The following WDR70 variants were observed in gnomAD, a reference collection of about 807,000 sequenced individuals.
The protein encoded by WDR70 is WD repeat-containing protein 70.
Under a neutral mutation model 88.6 loss-of-function variants are expected in WDR70, and 53 were observed. The observed-to-expected ratio is 0.60, with a 90% CI of 0.48 to 0.75. WDR70 has a LOEUF of 0.75. WDR70 is among the 30% of genes least tolerant of loss of function. The pLI, the probability that WDR70 is intolerant of heterozygous loss-of-function variation, is 0.00. For synonymous variants in WDR70, 280 were observed against 270.0 expected, an observed-to-expected ratio of 1.04 and a Z score of -0.36; for missense variants, 610 against 823.2, an observed-to-expected ratio of 0.74 and a Z score of 3.17.
chr5:37,684,062 C>A, intron 10 of WDR70, among the ~76,000 whole-genome samples: 1 of 152,008 alleles, frequency 6.6e-6, no homozygotes, highest in East Asian at 1.9e-4. Flanking sequence ...TTTCTCTATT[C>A]TTGCCTGACT....
intron 10 of WDR70, among the ~76,000 whole-genome samples, chr5:37,690,733 C>T (rs59829323): frequency 0.24 from 36,059 of 152,076 alleles, 5,030 homozygotes; most frequent in Admixed American, 0.38. Flanking sequence ...AAGAAATAAC[C>T]AGTACCAGCC....
At chr5:37,509,339 C>A (rs942314786) in intron 8 of WDR70, among the ~76,000 whole-genome samples, 3 of 151,408 alleles carry the variant, frequency 2.0e-5, no homozygotes, top group African/African-American at 7.3e-5. Flanking sequence ...CCTTTTTGAC[C>A]CATGGGTTAT....
intron 9 of WDR70, among the ~76,000 whole-genome samples, chr5:37,563,468 G>A (rs1369509638): frequency 7.1e-3 from 310 of 43,842 alleles, no homozygotes; most frequent in Non-Finnish European, 9.8e-3. Flanking sequence ...GCGGCTGGCC[G>A]GGCAGAGGGG....
At chr5:37,697,808 T>C (rs1425405655) in intron 11 of WDR70, 54 bp downstream of exon 11, 1 of 1,477,072 alleles carries the variant, frequency 6.8e-7, no homozygotes, top group East Asian at 2.3e-5. Flanking sequence ...TAATCATCTT[T>C]AACAAATATG....
At chr5:37,401,566 C>T (rs1394592561) in intron 5 of WDR70, among the ~76,000 whole-genome samples, 1 of 152,104 alleles carries the variant, frequency 6.6e-6, no homozygotes, top group Non-Finnish European at 1.5e-5. Context: ...ATCCACCTAC[C>T]TTGGCCTCCC....
chr5:37,379,537 T>G lies in WDR70; in HGVS notation c.74T>G (p.Met25Arg). ...CCGGACCCGCAGCTTGCGGTCACCA[T>G]GGGCTTCACGGGGTTCGGTGAGTGA... ...SGPDPQLAVT[M>R]GFTGFGKKAR... Residue 25 changes from methionine (M) to arginine (R), a missense_variant, in exon 2 of 18, where the codon ATG becomes AGG. By Grantham distance (91) the Met-to-Arg change is moderately conservative. Coordinates refer to ENST00000265107, the MANE Select transcript of WDR70 (RefSeq NM_018034.4). 1 of 1,613,970 alleles carries G rather than the reference T, an allele frequency of 6.2e-7. No individual in the cohort carries two copies. The highest frequency in any genetic ancestry group is 8.5e-7 in the Non-Finnish European group (1 of 1,179,852).
At chr5:37,460,753 T>A (rs1738972275) in intron 7 of WDR70, among the ~76,000 whole-genome samples, 5 of 151,572 alleles carry the variant, frequency 3.3e-5, no homozygotes, top group Non-Finnish European at 7.4e-5. Flanking sequence ...CAGGTTGAGT[T>A]GCATAGGAAG....
chr5:37,427,854 A>T (rs899350607), intron 5 of WDR70, among the ~76,000 whole-genome samples: 3 of 152,200 alleles, frequency 2.0e-5, no homozygotes, highest in African/African-American at 7.2e-5. Context: ...GGGCAACAAG[A>T]GTGAAACTCC....
chr5:37,626,775 T>C (rs1744676261), intron 10 of WDR70, among the ~76,000 whole-genome samples: 1 of 152,174 alleles, frequency 6.6e-6, no homozygotes, highest in South Asian at 2.1e-4. Flanking sequence ...AAAGACCTTT[T>C]ACTACTGATT....
chr5:37,557,957 A>ACTCTTTTGAAAACTCTTCAAAGGAGTAC, intron 9 of WDR70, among the ~76,000 whole-genome samples: 1 of 139,252 alleles, frequency 7.2e-6, no homozygotes, highest in Non-Finnish European at 1.6e-5. Context: ...TCAAAAGAGT[A>ACTCTTTTGAAAACTCTTCAAAGGAGTAC]TTATGTATAT....
At chr5:37,584,312 T>G (rs897882903) in intron 9 of WDR70, among the ~76,000 whole-genome samples, 4 of 152,238 alleles carry the variant, frequency 2.6e-5, no homozygotes, top group Non-Finnish European at 4.4e-5. Context: ...TTTTGACATT[T>G]CACGATTTCT....
intron 9 of WDR70, among the ~76,000 whole-genome samples, chr5:37,569,556 C>A (rs910774259): frequency 7.2e-5 from 11 of 152,310 alleles, no homozygotes; most frequent in African/African-American, 2.6e-4. Flanking sequence ...CGTCCCTTGT[C>A]ATCTTGTACT....
chr5:37,411,638 A>C (rs1749529131), intron 5 of WDR70, among the ~76,000 whole-genome samples: 1 of 152,288 alleles, frequency 6.6e-6, no homozygotes, highest in Admixed American at 6.5e-5. Flanking sequence ...AGACATGAGA[A>C]TCACTTGAAC....
At chr5:37,556,245 C>T (rs1376992900) in intron 9 of WDR70, among the ~76,000 whole-genome samples, 1 of 150,780 alleles carries the variant, frequency 6.6e-6, no homozygotes, top group African/African-American at 2.4e-5. Context: ...TTTTTGTGTA[C>T]TAATTCTTGC....
At chr5:37,456,866 A>G (rs1316346282) in intron 7 of WDR70, among the ~76,000 whole-genome samples, 1 of 152,222 alleles carries the variant, frequency 6.6e-6, no homozygotes, top group Non-Finnish European at 1.5e-5. Context: ...TTTGAAAACT[A>G]AAACTAGCCA....
rs756402702 is a variant in WDR70, at chr5:37,448,442, C to G, written c.686+5070C>G. On this transcript the variant is annotated intron_variant, in intron 7 of 17. Coordinates refer to ENST00000265107, the MANE Select transcript of WDR70 (RefSeq NM_018034.4). ...GATATTGGGATGTCATTGCTTTTGA[C>G]CTTTTGATGGAAAGAGGTAGAAAAT... Among the ~76,000 whole-genome samples the G allele has an allele frequency of 1.2e-3, 187 of 151,998 alleles. 1 individual carries two copies. Among genetic ancestry groups the G allele is most frequent in the Non-Finnish European group, 2.4e-3 (163 of 68,000 alleles).
At chr5:37,670,838 T>C (rs1300809789) in intron 10 of WDR70, among the ~76,000 whole-genome samples, 1 of 152,358 alleles carries the variant, frequency 6.6e-6, no homozygotes, top group East Asian at 1.9e-4. Context: ...ATGGGGTCTT[T>C]ATTTTGTTCA....
chr5:37,672,063 A>G (rs1746041624), intron 10 of WDR70, among the ~76,000 whole-genome samples: 3 of 152,222 alleles, frequency 2.0e-5, no homozygotes, highest in African/African-American at 7.2e-5. Flanking sequence ...TATGGAATCA[A>G]GGTTTAAGGG....
chr5:37,654,835 G>T (rs1309384198), intron 10 of WDR70, among the ~76,000 whole-genome samples: 1 of 152,098 alleles, frequency 6.6e-6, no homozygotes, highest in Non-Finnish European at 1.5e-5. Flanking sequence ...TTGAGCCTGT[G>T]TGTGTCTTTG....
Sources: gnomAD v4.1 joint callset for allele counts (sites outside exome capture counted in the v4.1 genomes callset) on GRCh38, gnomAD v4.1.1 for gene constraint, MANE v1.5 for transcripts, NCBI Gene and HGNC (gene_info 2026-07-23, HGNC 2026-07-21) for gene names.